Variants in PDE4D observed in about 807,000 individuals in gnomAD.
PDE4D encodes 3',5'-cyclic-AMP phosphodiesterase 4D.
PDE4D carries 24 observed loss-of-function variants against 87.4 expected under a neutral mutation model. The observed-to-expected ratio is 0.27, with a 90% CI of 0.20 to 0.39. PDE4D has a LOEUF of 0.39. Among genes scored for constraint, PDE4D ranks in the 10% least tolerant of loss-of-function variants. PDE4D has a pLI of 1.00. For missense variants in PDE4D, 714 were observed against 1,041.0 expected (o/e 0.69, Z 4.32); for synonymous variants, 384 against 383.2 (o/e 1.00, Z -0.02).
chr5:60,333,538 A>C (rs34762247), intron 1 of PDE4D, among the ~76,000 whole-genome samples: 34,677 of 152,158 alleles, frequency 0.23, 4,387 homozygotes, highest in East Asian at 0.48. Context: ...GTGGAGGCTC[A>C]GAAGGTTCCA....
intron 1 of PDE4D, among the ~76,000 whole-genome samples, chr5:59,422,691 T>C (rs1329961715): frequency 6.6e-6 from 1 of 152,210 alleles, no homozygotes; most frequent in Non-Finnish European, 1.5e-5. Flanking sequence ...ATCAAGATTG[T>C]GTAGTGTCTT....
intron 1 of PDE4D, among the ~76,000 whole-genome samples, chr5:59,822,439 G>T (rs1382533998): frequency 1.3e-5 from 2 of 152,064 alleles, no homozygotes; most frequent in Admixed American, 1.3e-4. Context: ...TATTATACTA[G>T]AATTTGTTAT....
chr5:60,284,816 G>T (rs34757284), intron 1 of PDE4D, among the ~76,000 whole-genome samples: 27,688 of 147,988 alleles, frequency 0.19, 3,150 homozygotes, highest in African/African-American at 0.34. Flanking sequence ...ATATATTAAA[G>T]TCAAGAATCT....
intron 5 of PDE4D, among the ~76,000 whole-genome samples, chr5:59,059,045 G>A (rs1762756292): frequency 6.6e-6 from 1 of 152,172 alleles, no homozygotes; most frequent in African/African-American, 2.4e-5. Context: ...GCTGGACAAG[G>A]TAATCAGAAA....
At chr5:60,140,605 T>C (rs896592735) in intron 2 of PDE4D, among the ~76,000 whole-genome samples, 1 of 148,772 alleles carries the variant, frequency 6.7e-6, no homozygotes, top group Non-Finnish European at 1.5e-5. Flanking sequence ...TGTTGCCCAG[T>C]AGTACTGTTG....
chr5:60,063,147 AAAGAAAGAAG>A (rs1771655692), intron 2 of PDE4D, among the ~76,000 whole-genome samples: 1 of 151,054 alleles, frequency 6.6e-6, no homozygotes, highest in African/African-American at 2.4e-5. Flanking sequence ...AGAAAGAAAG[AAAGAAAGAAG>A]GAAAGAAAGA....
chr5:59,490,280 C>T (rs1004344324), intron 1 of PDE4D, among the ~76,000 whole-genome samples: 1 of 152,074 alleles, frequency 6.6e-6, no homozygotes, highest in Non-Finnish European at 1.5e-5. Flanking sequence ...AATATATTGG[C>T]TGTTTCTCAA....
chr5:59,531,202 T>A (rs1398467809), intron 1 of PDE4D, among the ~76,000 whole-genome samples: 1 of 152,186 alleles, frequency 6.6e-6, no homozygotes, highest in Non-Finnish European at 1.5e-5. Flanking sequence ...ATATTCAGAA[T>A]CTAGTCAGGC....
At chr5:59,997,989 T>C (rs923186542) in intron 2 of PDE4D, among the ~76,000 whole-genome samples, 9 of 152,192 alleles carry the variant, frequency 5.9e-5, no homozygotes, top group Admixed American at 2.0e-4. Context: ...CCATGGGAGC[T>C]TTCCACAGGC....
At chr5:59,127,478 G>GT (rs1775578884) in intron 5 of PDE4D, among the ~76,000 whole-genome samples, 1 of 151,916 alleles carries the variant, frequency 6.6e-6, no homozygotes, top group South Asian at 2.1e-4. Flanking sequence ...AGGCAGCAGT[G>GT]TGTGTGAGTG....
At chr5:59,337,728 A>T (rs1777966813) in intron 1 of PDE4D, among the ~76,000 whole-genome samples, 1 of 152,052 alleles carries the variant, frequency 6.6e-6, no homozygotes, top group African/African-American at 2.4e-5. Flanking sequence ...TCCTGGGTGA[A>T]CTCAATAGGA....
At chr5:60,095,370 G>C (rs1775570293) in intron 2 of PDE4D, among the ~76,000 whole-genome samples, 1 of 152,140 alleles carries the variant, frequency 6.6e-6, no homozygotes, top group Non-Finnish European at 1.5e-5. Flanking sequence ...TCCCTGAAAA[G>C]GACAAGAGCT....
At chr5:60,097,404 T>A (rs1197356705) in intron 2 of PDE4D, among the ~76,000 whole-genome samples, 1 of 151,922 alleles carries the variant, frequency 6.6e-6, no homozygotes, top group African/African-American at 2.4e-5. Flanking sequence ...CCCATTCACA[T>A]CTGAAAACTG....
chr5:59,320,174 G>A (rs189596810), intron 1 of PDE4D, among the ~76,000 whole-genome samples: 4 of 151,984 alleles, frequency 2.6e-5, no homozygotes, highest in Non-Finnish European at 4.4e-5. Flanking sequence ...GTGTGCACGC[G>A]CATGCATGTG....
intron 1 of PDE4D, among the ~76,000 whole-genome samples, chr5:59,617,781 C>A (rs1829883371): frequency 6.6e-6 from 1 of 152,190 alleles, no homozygotes; most frequent in Non-Finnish European, 1.5e-5. Context: ...AACTGTGAGA[C>A]AACACATTTC....
chr5:60,423,177 C>T (rs911785406), intron 1 of PDE4D, among the ~76,000 whole-genome samples: 1 of 152,222 alleles, frequency 6.6e-6, no homozygotes, highest in African/African-American at 2.4e-5. Flanking sequence ...TTGAACTCAG[C>T]TCCGCAACAA....
chr5:59,665,554 T>C (rs1745939892), intron 1 of PDE4D, among the ~76,000 whole-genome samples: 2 of 152,224 alleles, frequency 1.3e-5, no homozygotes, highest in African/African-American at 4.8e-5. Flanking sequence ...ATTGCTTTAA[T>C]TTCCATATTG....
chr5:59,993,481 T>A (rs1003359859), intron 2 of PDE4D, among the ~76,000 whole-genome samples: 1 of 152,200 alleles, frequency 6.6e-6, no homozygotes, highest in African/African-American at 2.4e-5. Flanking sequence ...GTAATCATGT[T>A]AATGACACAA....
chr5:59,156,771 T>C (rs984566581), intron 5 of PDE4D, among the ~76,000 whole-genome samples: 2 of 152,104 alleles, frequency 1.3e-5, no homozygotes, highest in South Asian at 4.1e-4. Flanking sequence ...TTTTGGTATA[T>C]ACAGCGAAAT....
Sources: gnomAD v4.1 joint callset for allele counts (sites outside exome capture counted in the v4.1 genomes callset) on GRCh38, gnomAD v4.1.1 for gene constraint, MANE v1.5 for transcripts, NCBI Gene and HGNC (gene_info 2026-07-23, HGNC 2026-07-21) for gene names.